Variants in DPP10 observed in about 807,000 individuals in gnomAD.
The protein encoded by DPP10 is dipeptidyl peptidase like 10.
Under a neutral mutation model 120.9 loss-of-function variants are expected in DPP10, and 33 were observed. That is an observed-to-expected ratio of 0.27 (90% confidence interval 0.21 to 0.37). DPP10 has a LOEUF of 0.37. Among genes scored for constraint, DPP10 ranks in the 10% least tolerant of loss-of-function variants. The pLI is 1.00. For missense variants in DPP10, 816 were observed against 942.8 expected, an observed-to-expected ratio of 0.87 and a Z score of 1.76; for synonymous variants, 337 against 326.1, an observed-to-expected ratio of 1.03 and a Z score of -0.36.
chr2:114,829,603 C>T (rs1686895188), intron 1 of DPP10, among the ~76,000 whole-genome samples: 1 of 151,538 alleles, frequency 6.6e-6, no homozygotes, highest in South Asian at 2.1e-4. Flanking sequence ...TCTCGAATGC[C>T]TGACCTCAGG....
At chr2:114,724,216 C>T (rs1322518857) in intron 1 of DPP10, among the ~76,000 whole-genome samples, 2 of 152,216 alleles carry the variant, frequency 1.3e-5, no homozygotes, top group African/African-American at 2.4e-5. Flanking sequence ...ACGATTACCT[C>T]TTGAAGCCAC....
intron 1 of DPP10, among the ~76,000 whole-genome samples, chr2:114,780,028 C>T (rs547384351): frequency 5.9e-5 from 9 of 151,638 alleles, no homozygotes; most frequent in East Asian, 2.0e-4. Context: ...CCCAGCTACT[C>T]GGGAGGCTGA....
intron 1 of DPP10, among the ~76,000 whole-genome samples, chr2:114,585,980 G>A (rs1690948430): frequency 6.6e-6 from 1 of 152,148 alleles, no homozygotes; most frequent in South Asian, 2.1e-4. Flanking sequence ...CAGTATGATG[G>A]CTCACACCTG....
intron 2 of DPP10, among the ~76,000 whole-genome samples, chr2:115,327,228 T>G (rs556367086): frequency 6.6e-6 from 1 of 152,088 alleles, no homozygotes; most frequent in South Asian, 2.1e-4. Context: ...AGCATAGATA[T>G]GCAGTAGACT....
intron 1 of DPP10, among the ~76,000 whole-genome samples, chr2:115,254,835 G>A (rs933394147): frequency 6.6e-6 from 1 of 152,178 alleles, no homozygotes; most frequent in Admixed American, 6.5e-5. Flanking sequence ...GATGCAAGAG[G>A]TGGGCTCCCA....
intron 3 of DPP10, among the ~76,000 whole-genome samples, chr2:115,463,673 G>C (rs772783596): frequency 6.6e-6 from 1 of 151,942 alleles, no homozygotes; most frequent in African/African-American, 2.4e-5. Context: ...GTCCATTTGC[G>C]TCTAATCTCA....
chr2:115,663,540 C>A lies in DPP10; in HGVS notation c.442-26147C>A, dbSNP rs114116611. On this transcript the variant is annotated intron_variant, in intron 5 of 25. Coordinates refer to ENST00000410059, the MANE Select transcript of DPP10 (RefSeq NM_020868.6). ...TTATGTCCATAGGCGAACTGCTTAG[C>A]AAAGGCTCAGTGGCTTGCTGTATTC... 5.5e-4 allele frequency among the ~76,000 whole-genome samples: 83 copies of A among 152,278 alleles called. 1 individual carries two copies. Among genetic ancestry groups the A allele is most frequent in the African/African-American group, 1.9e-3 (81 of 41,562 alleles).
At chr2:115,375,985 T>A (rs2065764642) in intron 3 of DPP10, among the ~76,000 whole-genome samples, 1 of 152,154 alleles carries the variant, frequency 6.6e-6, no homozygotes, top group Non-Finnish European at 1.5e-5. Flanking sequence ...GTGCTTGGTA[T>A]AAGAATATTC....
intron 1 of DPP10, among the ~76,000 whole-genome samples, chr2:114,462,874 T>C (rs1387454842): frequency 6.6e-6 from 1 of 152,212 alleles, no homozygotes; most frequent in Non-Finnish European, 1.5e-5. Context: ...CCCTGTTGAC[T>C]TTATTCAATC....
At chr2:114,866,146 A>C (rs1438305744) in intron 1 of DPP10, among the ~76,000 whole-genome samples, 2 of 151,020 alleles carry the variant, frequency 1.3e-5, no homozygotes, top group African/African-American at 4.9e-5. Context: ...TAAATAAATA[A>C]ATAAACTTAT....
At chr2:115,445,569 T>C (rs1047865917) in intron 3 of DPP10, among the ~76,000 whole-genome samples, 2 of 152,112 alleles carry the variant, frequency 1.3e-5, no homozygotes, top group Admixed American at 6.5e-5. Context: ...AAGATACTGG[T>C]GGAGTTTTGT....
intron 1 of DPP10, among the ~76,000 whole-genome samples, chr2:114,588,098 A>G (rs187470036): frequency 2.0e-5 from 3 of 152,236 alleles, no homozygotes; most frequent in African/African-American, 7.2e-5. Context: ...TTGAAACAAT[A>G]TGGATCTACT....
At chr2:114,576,205 G>T (rs181491534) in intron 1 of DPP10, among the ~76,000 whole-genome samples, 1 of 152,344 alleles carries the variant, frequency 6.6e-6, no homozygotes, top group East Asian at 1.9e-4. Context: ...GAGTTATACT[G>T]AATGGACTGT....
At chr2:114,535,051 GTCT>G (rs1686364654) in intron 1 of DPP10, among the ~76,000 whole-genome samples, 2 of 150,790 alleles carry the variant, frequency 1.3e-5, no homozygotes, top group Non-Finnish European at 2.9e-5. Flanking sequence ...GGCTGCTGTT[GTCT>G]TCTTTTCTTT....
Position 115,655,520 on chromosome 2 carries a change from T to C in DPP10, c.442-34167T>C, listed in dbSNP as rs80007379. Among the ~76,000 whole-genome samples the C allele has an allele frequency of 5.0e-4, 76 of 151,816 alleles. No individual in the cohort carries two copies. In the East Asian group the frequency reaches 0.014, roughly 28 times the overall value. On this transcript the variant is annotated intron_variant, in intron 5 of 25. Transcript: ENST00000410059. ...TTATGCTTTGCTCATCAATTGTATT[T>C]ATTTACATCTAATCAACCCCATCTT...
intron 2 of DPP10, among the ~76,000 whole-genome samples, chr2:115,337,647 G>C (rs1367181836): frequency 7.6e-6 from 1 of 132,352 alleles, no homozygotes; most frequent in Admixed American, 8.4e-5. Flanking sequence ...AATGAGACAG[G>C]GGGAGGCTGC....
At chr2:115,208,771 GA>G (rs762379044) in intron 1 of DPP10, among the ~76,000 whole-genome samples, 4 of 152,086 alleles carry the variant, frequency 2.6e-5, no homozygotes, top group African/African-American at 4.8e-5. Flanking sequence ...CCCTTCTGGG[GA>G]GTTCAAAATG....
chr2:114,508,149 G>C (rs888272160), intron 1 of DPP10, among the ~76,000 whole-genome samples: 1 of 151,636 alleles, frequency 6.6e-6, no homozygotes, highest in African/African-American at 2.4e-5. Context: ...TGTACAATTT[G>C]ATGGATTTTG....
At chr2:115,221,763 T>A (rs1574062246) in intron 1 of DPP10, among the ~76,000 whole-genome samples, 1 of 28,700 alleles carries the variant, frequency 3.5e-5, no homozygotes, top group Non-Finnish European at 1.1e-4. Context: ...TGTTTTTTTT[T>A]TTTTTTTTTT....
Sources: gnomAD v4.1 joint callset for allele counts (sites outside exome capture counted in the v4.1 genomes callset) on GRCh38, gnomAD v4.1.1 for gene constraint, MANE v1.5 for transcripts, NCBI Gene and HGNC (gene_info 2026-07-23, HGNC 2026-07-21) for gene names.